Variants in ASIC2 observed in about 807,000 individuals in gnomAD.
ASIC2 encodes acid-sensing ion channel 2.
A neutral mutation model predicts 57.3 loss-of-function variants in ASIC2; 25 were observed. That is an observed-to-expected ratio of 0.44 (90% CI 0.32 to 0.61). ASIC2 has a LOEUF of 0.61. Among genes scored for constraint, ASIC2 ranks in the 20% least tolerant of loss-of-function variants. The pLI is 0.06. For synonymous variants in ASIC2, 319 were observed against 307.5 expected, an observed-to-expected ratio of 1.04 and a Z score of -0.39; for missense variants, 641 against 738.1, an observed-to-expected ratio of 0.87 and a Z score of 1.52.
At chr17:33,564,763 G>T (rs1916180941) in intron 1 of ASIC2, among the ~76,000 whole-genome samples, 1 of 152,186 alleles carries the variant, frequency 6.6e-6, no homozygotes, top group Admixed American at 6.5e-5. Flanking sequence ...GCCCACGCTG[G>T]AAGGTTGTGG....
chr17:33,464,687 CTATATATATATATA>C (rs3057641), intron 1 of ASIC2, among the ~76,000 whole-genome samples: 1 of 132,598 alleles, frequency 7.5e-6, no homozygotes, highest in Non-Finnish European at 1.6e-5. Flanking sequence ...CTCTCTCTCT[CTATATATATATATA>C]TATGTATATA....
At chr17:33,216,479 C>T (rs763859432) in intron 1 of ASIC2, among the ~76,000 whole-genome samples, 3 of 152,072 alleles carry the variant, frequency 2.0e-5, no homozygotes, top group Non-Finnish European at 2.9e-5. Flanking sequence ...TGTGCTGAAG[C>T]GGACTTAGAA....
intron 1 of ASIC2, among the ~76,000 whole-genome samples, chr17:33,789,113 G>A (rs1286686042): frequency 1.3e-5 from 2 of 152,132 alleles, no homozygotes; most frequent in African/African-American, 4.8e-5. Flanking sequence ...TTCAGCTTCT[G>A]CCATGATTAT....
intron 1 of ASIC2, among the ~76,000 whole-genome samples, chr17:33,257,183 T>C (rs1909112765): frequency 1.3e-5 from 2 of 152,208 alleles, no homozygotes; most frequent in Admixed American, 1.3e-4. Flanking sequence ...AGGGCTGCGT[T>C]TGTAAGCACA....
At chr17:33,449,973 G>A (rs1264493706) in intron 1 of ASIC2, among the ~76,000 whole-genome samples, 1 of 152,026 alleles carries the variant, frequency 6.6e-6, no homozygotes, top group Admixed American at 6.6e-5. Flanking sequence ...TCACTATGTT[G>A]GCCAGGCTGG....
chr17:33,739,166 T>C (rs192096737), intron 1 of ASIC2, among the ~76,000 whole-genome samples: 1 of 152,340 alleles, frequency 6.6e-6, no homozygotes, highest in African/African-American at 2.4e-5. Flanking sequence ...GTTAGACAAA[T>C]GTCAAAGTTT....
At chr17:33,653,859 A>T (rs1453536000) in intron 1 of ASIC2, among the ~76,000 whole-genome samples, 2 of 152,236 alleles carry the variant, frequency 1.3e-5, no homozygotes, top group African/African-American at 4.8e-5. Context: ...TAACTAAGGG[A>T]TATATATTTC....
At chr17:33,719,002 C>G (rs1009790918) in intron 1 of ASIC2, among the ~76,000 whole-genome samples, 3 of 152,206 alleles carry the variant, frequency 2.0e-5, no homozygotes, top group Non-Finnish European at 2.9e-5. Context: ...TGCTCAGGGT[C>G]ACCCAGGACA....
At chr17:33,151,799 C>T (rs1212579229) in intron 1 of ASIC2, among the ~76,000 whole-genome samples, 1 of 152,166 alleles carries the variant, frequency 6.6e-6, no homozygotes, top group Non-Finnish European at 1.5e-5. Flanking sequence ...CTTGGACTTC[C>T]CAGCCGCGGA....
intron 1 of ASIC2, among the ~76,000 whole-genome samples, chr17:33,799,353 T>TCTTTCTTTCTTTCTTTCTTC (rs1324482104): frequency 8.0e-5 from 10 of 124,950 alleles, no homozygotes; most frequent in African/African-American, 3.3e-4. Context: ...CCTCTCTTTC[T>TCTTTCTTTCTTTCTTTCTTC]CTTTCTTTCT....
At chr17:33,087,160 C>T (rs1210518224) in intron 3 of ASIC2, among the ~76,000 whole-genome samples, 3 of 152,228 alleles carry the variant, frequency 2.0e-5, no homozygotes, top group African/African-American at 7.2e-5. Context: ...CCCAGGCTGC[C>T]TGTCCATCTG....
intron 1 of ASIC2, among the ~76,000 whole-genome samples, chr17:33,461,051 C>T (rs1567619804): frequency 6.6e-6 from 1 of 152,188 alleles, no homozygotes; most frequent in African/African-American, 2.4e-5. Context: ...TCGCCTCCTC[C>T]TCCACATCTG....
chr17:33,231,674 G>T (rs532820088), intron 1 of ASIC2, among the ~76,000 whole-genome samples: 1 of 152,214 alleles, frequency 6.6e-6, no homozygotes, highest in South Asian at 2.1e-4. Flanking sequence ...TGTGATCAGG[G>T]TTCTGGAACT....
At chr17:33,037,599 A>T (rs1025032318) in intron 3 of ASIC2, among the ~76,000 whole-genome samples, 6 of 152,086 alleles carry the variant, frequency 3.9e-5, no homozygotes, top group Non-Finnish European at 7.4e-5. Flanking sequence ...GTAAGCAAAG[A>T]CTCAGGAGGA....
intron 1 of ASIC2, among the ~76,000 whole-genome samples, chr17:33,115,534 A>C (rs1211604752): frequency 6.6e-6 from 1 of 152,162 alleles, no homozygotes; most frequent in Non-Finnish European, 1.5e-5. Context: ...CTTCCCCGCC[A>C]GGCATTTCCG....
chr17:33,836,099 A>T, intron 1 of ASIC2, among the ~76,000 whole-genome samples: 1 of 141,534 alleles, frequency 7.1e-6, no homozygotes, highest in South Asian at 2.3e-4. Context: ...TAATTATCTC[A>T]TTTACCCCTC....
chr17:33,803,208 G>A (rs1022908440), intron 1 of ASIC2, among the ~76,000 whole-genome samples: 6 of 152,164 alleles, frequency 3.9e-5, no homozygotes, highest in African/African-American at 1.4e-4. Flanking sequence ...ACTATTGTTA[G>A]GTGAAAACAT....
At chr17:33,587,489 A>AC (rs766196479) in intron 1 of ASIC2, among the ~76,000 whole-genome samples, 30 of 152,340 alleles carry the variant, frequency 2.0e-4, no homozygotes, top group Admixed American at 2.0e-4. Context: ...TTGTAAGGAA[A>AC]AAGGAGTTTA....
chr17:33,631,840 A>T (rs904476375), intron 1 of ASIC2, among the ~76,000 whole-genome samples: 1 of 152,122 alleles, frequency 6.6e-6, no homozygotes, highest in Non-Finnish European at 1.5e-5. Context: ...TCTGAGGGGG[A>T]CTTGATCACC....
Sources: allele counts gnomAD v4.1 joint callset (sites outside exome capture counted in the v4.1 genomes callset), GRCh38; gene constraint gnomAD v4.1.1; transcripts MANE v1.5; gene names NCBI Gene and HGNC (gene_info 2026-07-23, HGNC 2026-07-21).